The following DNAI1 variants were observed in gnomAD, a reference collection of about 807,000 sequenced individuals.
The protein encoded by DNAI1 is dynein, axonemal, intermediate polypeptide 1.
Under a neutral mutation model 92.0 loss-of-function variants are expected in DNAI1, and 67 were observed. That is an observed-to-expected ratio of 0.73 (90% CI 0.60 to 0.89). The LOEUF (loss-of-function observed/expected upper bound fraction) is 0.89, where lower values mean the gene tolerates loss of function less well. DNAI1 is among the 40% of genes least tolerant of loss of function. The pLI, the probability that DNAI1 is intolerant of heterozygous loss-of-function variation, is 0.00. For synonymous variants in DNAI1, 323 were observed against 319.6 expected, an observed-to-expected ratio of 1.01 and a Z score of -0.11; for missense variants, 839 against 866.6, an observed-to-expected ratio of 0.97 and a Z score of 0.40.
chr9:34,507,019 G>T, intron 13 of DNAI1, 145 bp downstream of exon 13: 1 of 1,271,678 alleles, frequency 7.9e-7, no homozygotes, highest in East Asian at 2.5e-5. Context: ...CTGGGTGTCA[G>T]AAAAGGGCAG....
chr9:34,509,137 C>T (rs374313136), intron 13 of DNAI1, among the ~76,000 whole-genome samples: 2 of 152,220 alleles, frequency 1.3e-5, no homozygotes, highest in Middle Eastern at 3.4e-3. Flanking sequence ...AGTAGAAGTG[C>T]GCAAGGAGGG....
At chr9:34,514,836 C>T in intron 18 of DNAI1, 97 bp downstream of exon 18, 1 of 1,346,178 alleles carries the variant, frequency 7.4e-7, no homozygotes, top group African/African-American at 1.4e-5. Context: ...ATGCCTAGGT[C>T]AGGAAGGAGA....
intron 3 of DNAI1, 64 bp downstream of exon 3, chr9:34,485,304 C>T: frequency 6.2e-7 from 1 of 1,605,572 alleles, no homozygotes; most frequent in South Asian, 1.1e-5. Context: ...TGTGTTCTTC[C>T]ATAGTACATG....
At chr9:34,508,768 T>C (rs1824998018) in intron 13 of DNAI1, among the ~76,000 whole-genome samples, 1 of 152,136 alleles carries the variant, frequency 6.6e-6, no homozygotes, top group African/African-American at 2.4e-5. Flanking sequence ...GAAGAAACAT[T>C]ATTGCTTTCG....
At chr9:34,493,380 G>C in intron 9 of DNAI1, 52 bp downstream of exon 9, 1 of 1,613,400 alleles carries the variant, frequency 6.2e-7, no homozygotes, top group Non-Finnish European at 8.5e-7. Context: ...ATGAGGCCTT[G>C]GCCTCTGGGT....
chr9:34,466,324 C>T (rs1254895079), intron 1 of DNAI1, among the ~76,000 whole-genome samples: 1 of 152,218 alleles, frequency 6.6e-6, no homozygotes, highest in African/African-American at 2.4e-5. Context: ...ACATCACATC[C>T]ATTTGCTCAT....
At chr9:34,487,657 CAGTGTGCTGACCA>C (rs964913306) in intron 4 of DNAI1, among the ~76,000 whole-genome samples, 4 of 152,034 alleles carry the variant, frequency 2.6e-5, no homozygotes, top group African/African-American at 9.7e-5. Flanking sequence ...CTGTAGGACT[CAGTGTGCTGACCA>C]TGGGAAGCAC....
chr9:34,483,167 ACCTCC>A (rs2132055549), intron 1 of DNAI1, among the ~76,000 whole-genome samples: 1 of 152,000 alleles, frequency 6.6e-6, no homozygotes, highest in African/African-American at 2.4e-5. Context: ...CTCCTTCCAC[ACCTCC>A]CTGCAAGCTG....
chr9:34,482,021 C>T (rs1020767969), intron 1 of DNAI1, among the ~76,000 whole-genome samples: 4 of 152,134 alleles, frequency 2.6e-5, no homozygotes, highest in Non-Finnish European at 5.9e-5. Flanking sequence ...CTGATTGGTG[C>T]GGTTACAATC....
chr9:34,513,053 G>C, intron 15 of DNAI1, 59 bp from the exon 16 acceptor site: 1 of 1,367,252 alleles, frequency 7.3e-7, no homozygotes, highest in Non-Finnish European at 1.0e-6. Context: ...GAGTAGGGGA[G>C]GCACTGGGAG....
Position 34,514,447 on chromosome 9 carries a change from G to C in DNAI1, c.1623G>C (p.Met541Ile). 1 of 1,614,186 alleles carries C rather than the reference G, an allele frequency of 6.2e-7. No homozygotes were observed. Among genetic ancestry groups the C allele is most frequent in the South Asian group, 1.1e-5 (1 of 91,080 alleles). ...QFLDTYDAHN[M>I]SVDTVSWNPY... is the part of the protein sequence containing the mutation. The stretch of plus-strand genomic sequence containing the variant: ...TCGACACCTATGACGCCCACAACAT[G>C]TCAGTGGACACTGTGTCCTGGAACC... The change falls in exon 17 of 20, where the codon ATG (methionine) becomes ATC (isoleucine). Residue 541 changes from methionine (M) to isoleucine (I), a missense_variant. Physicochemically the swap from Met to Ile is conservative, Grantham distance 10 (BLOSUM62 1). Coordinates refer to ENST00000242317, the MANE Select transcript of DNAI1 (RefSeq NM_012144.4).
In DNAI1 at chr9:34,459,064, C is replaced by T. The variant is rs1357688795; in HGVS notation, c.48+11C>T. ...CAGCCTCATAAGCAGGTAACGTACG[C>T]ACACCTTCCTTCTGATGACCTCTGA... On this transcript the variant is annotated intron_variant, in intron 1 of 19. Transcript: ENST00000242317. 1 of 1,613,540 alleles carries T rather than the reference C, an allele frequency of 6.2e-7. No individual in the cohort carries two copies. The highest frequency in any genetic ancestry group is 1.7e-5 in the Admixed American group (1 of 60,024).
At chr9:34,518,634 A>G (rs1161751390) in intron 19 of DNAI1, among the ~76,000 whole-genome samples, 4 of 152,352 alleles carry the variant, frequency 2.6e-5, no homozygotes, top group African/African-American at 9.6e-5. Context: ...TGGAATAGAT[A>G]AAATGTGTTC....
Position 34,512,431 on chromosome 9 carries a change from G to A in DNAI1, c.1489+7G>A. On this transcript the variant is annotated splice_region_variant and intron_variant, in intron 15 of 19. Coordinates refer to ENST00000242317, the MANE Select transcript of DNAI1 (RefSeq NM_012144.4). ...TTGCAGCTGCACCCAGTGGGTAGGAGCCCCAGCCCTCTCACCTCCAGGCCT... is the reference window on the plus strand; with the variant it reads ...TTGCAGCTGCACCCAGTGGGTAGGAACCCCAGCCCTCTCACCTCCAGGCCT... 6.2e-7 allele frequency: 1 copy of A among 1,613,950 alleles called. No individual in the cohort carries two copies. The highest frequency in any genetic ancestry group is 2.2e-5 in the East Asian group (1 of 44,858).
In DNAI1 at chr9:34,514,549, G is replaced by C. The variant is rs1191824607; in HGVS notation, c.1718+7G>C. The stretch of plus-strand genomic sequence containing the variant: ...TCTGGGACCACACCATCAAGTGAGG[G>C]GCCTGTTCCTGGCTCTGCCTGGGGC... On this transcript the variant is annotated splice_region_variant and intron_variant, in intron 17 of 19. Transcript: ENST00000242317. 3 of 1,614,154 alleles carry C rather than the reference G, an allele frequency of 1.9e-6. No homozygotes were observed. The South Asian group carries it at 3.3e-5, about 18-fold the overall frequency.
At chr9:34,504,779 CT>C (rs1443554417) in intron 12 of DNAI1, among the ~76,000 whole-genome samples, 1 of 152,234 alleles carries the variant, frequency 6.6e-6, no homozygotes, top group Non-Finnish European at 1.5e-5. Context: ...CCTCTAGCAA[CT>C]GATAACCTTC....
At position 34,515,018 on chromosome 9, in the gene DNAI1, G is replaced by T. The variant is rs143957567; in HGVS notation, c.1818+279G>T. On this transcript the variant is annotated intron_variant, in intron 18 of 19. Coordinates refer to ENST00000242317, the MANE Select transcript of DNAI1 (RefSeq NM_012144.4). Reference sequence around the variant, plus strand: ...GGAGCAGTTATTTCCTCTGCTGTATGGTGGAGAGCTAGAGGGTGGCAGGGC... The same window carrying T: ...GGAGCAGTTATTTCCTCTGCTGTATTGTGGAGAGCTAGAGGGTGGCAGGGC... Among the ~76,000 whole-genome samples, 885 of 152,316 alleles carry T rather than the reference G, an allele frequency of 5.8e-3. 5 individuals are homozygous for T. Among genetic ancestry groups the T allele is most frequent in the African/African-American group, 0.02 (818 of 41,576 alleles).
intron 1 of DNAI1, among the ~76,000 whole-genome samples, chr9:34,462,832 A>G (rs1366935221): frequency 6.6e-6 from 1 of 152,256 alleles, no homozygotes; most frequent in Non-Finnish European, 1.5e-5. Flanking sequence ...ATATTCATGC[A>G]GTAATTATTT....
At chr9:34,487,089 C>T (rs181067656) in intron 4 of DNAI1, among the ~76,000 whole-genome samples, 3 of 152,086 alleles carry the variant, frequency 2.0e-5, no homozygotes, top group African/African-American at 4.8e-5. Context: ...CATTTGTGTG[C>T]GAGTGTTTGT....
Sources: allele counts gnomAD v4.1 joint callset (sites outside exome capture counted in the v4.1 genomes callset), GRCh38; gene constraint gnomAD v4.1.1; transcripts MANE v1.5; gene names NCBI Gene and HGNC (gene_info 2026-07-23, HGNC 2026-07-21).